Variants in CAMKMT observed in about 807,000 individuals in gnomAD.
CAMKMT encodes calmodulin-lysine N-methyltransferase.
In CAMKMT, 53 loss-of-function variants were observed where a neutral mutation model predicts 48.0. The observed-to-expected ratio is 1.10, with a 90% confidence interval of 0.89 to 1.39. The LOEUF is 1.39. Ranked by LOEUF, CAMKMT falls within the 40% of genes most tolerant of loss-of-function variation. The pLI is 0.00. For missense variants in CAMKMT, 428 were observed against 402.7 expected (o/e 1.06, Z -0.54); for synonymous variants, 165 against 152.3 (o/e 1.08, Z -0.61).
intron 3 of CAMKMT, among the ~76,000 whole-genome samples, chr2:44,600,474 G>T (rs1296055295): frequency 6.6e-6 from 1 of 151,992 alleles, no homozygotes; most frequent in Non-Finnish European, 1.5e-5. Context: ...TTGCCATGTT[G>T]CTAAGGCTGG....
intron 3 of CAMKMT, among the ~76,000 whole-genome samples, chr2:44,638,059 CAAAAAAA>C (rs1004353493): frequency 1.2e-4 from 7 of 58,616 alleles, no homozygotes; most frequent in Middle Eastern, 0.012. Context: ...CATCTCAAAC[CAAAAAAA>C]AAAAAAGAGA....
intron 1 of CAMKMT, among the ~76,000 whole-genome samples, chr2:44,365,028 A>C (rs997650079): frequency 1.3e-5 from 2 of 152,250 alleles, no homozygotes; most frequent in African/African-American, 2.4e-5. Context: ...TTCTATTACA[A>C]TTTAATCGAT....
At chr2:44,367,677 A>G (rs1448677032) in intron 1 of CAMKMT, among the ~76,000 whole-genome samples, 1 of 152,188 alleles carries the variant, frequency 6.6e-6, no homozygotes, top group Non-Finnish European at 1.5e-5. Context: ...CTAGCTGCCT[A>G]TTATCTGGAA....
chr2:44,385,890 A>C (rs748967198), intron 2 of CAMKMT, among the ~76,000 whole-genome samples: 3 of 152,054 alleles, frequency 2.0e-5, no homozygotes, highest in Non-Finnish European at 2.9e-5. Flanking sequence ...ATTTTGTTAA[A>C]GATTTCAACA....
intron 3 of CAMKMT, among the ~76,000 whole-genome samples, chr2:44,703,560 A>G (rs2104265365): frequency 6.6e-6 from 1 of 152,072 alleles, no homozygotes; most frequent in East Asian, 1.9e-4. Context: ...CAGGCAGATC[A>G]CGAGGTCAGG....
At chr2:44,687,416 GTAAA>G (rs1676398637) in intron 3 of CAMKMT, among the ~76,000 whole-genome samples, 1 of 152,172 alleles carries the variant, frequency 6.6e-6, no homozygotes, top group Non-Finnish European at 1.5e-5. Context: ...TAAGGATTCA[GTAAA>G]TATTTGTTTG....
At chr2:44,632,963 C>G (rs959989530) in intron 3 of CAMKMT, among the ~76,000 whole-genome samples, 4 of 152,172 alleles carry the variant, frequency 2.6e-5, no homozygotes, top group African/African-American at 9.6e-5. Flanking sequence ...TGAGTTAATA[C>G]TTAATAAACT....
chr2:44,675,227 T>C (rs895055835), intron 3 of CAMKMT, among the ~76,000 whole-genome samples: 1 of 152,196 alleles, frequency 6.6e-6, no homozygotes, highest in African/African-American at 2.4e-5. Context: ...CTCAACTTGA[T>C]GGCTGATTGC....
At chr2:44,413,284 G>A (rs1413417636) in intron 3 of CAMKMT, among the ~76,000 whole-genome samples, 2 of 151,606 alleles carry the variant, frequency 1.3e-5, no homozygotes, top group African/African-American at 2.4e-5. Flanking sequence ...CAAAATGTAG[G>A]GTCAAATGAA....
chr2:44,437,342 T>C (rs980420099), intron 3 of CAMKMT, among the ~76,000 whole-genome samples: 2 of 152,204 alleles, frequency 1.3e-5, no homozygotes, highest in African/African-American at 4.8e-5. Flanking sequence ...CTAAAGTGAA[T>C]CAGACTTCTG....
chr2:44,634,370 C>T (rs1289100880), intron 3 of CAMKMT, among the ~76,000 whole-genome samples: 1 of 151,858 alleles, frequency 6.6e-6, no homozygotes, highest in African/African-American at 2.4e-5. Flanking sequence ...AGATCGCAGT[C>T]CTTTGCTGCC....
intron 7 of CAMKMT, among the ~76,000 whole-genome samples, chr2:44,726,853 A>G (rs937970181): frequency 2.0e-5 from 3 of 152,218 alleles, no homozygotes; most frequent in African/African-American, 7.2e-5. Flanking sequence ...CAGTTATCTC[A>G]GCACCATTTA....
chr2:44,463,182 C>G (rs1291341532), intron 3 of CAMKMT, among the ~76,000 whole-genome samples: 1 of 152,176 alleles, frequency 6.6e-6, no homozygotes, highest in Non-Finnish European at 1.5e-5. Flanking sequence ...ATTTGCATAA[C>G]ACACCACTTC....
intron 3 of CAMKMT, among the ~76,000 whole-genome samples, chr2:44,433,195 C>G (rs1056094047): frequency 7.9e-5 from 12 of 152,020 alleles, no homozygotes; most frequent in Non-Finnish European, 1.5e-4. Flanking sequence ...ATACAGTGGA[C>G]TTGAAATACA....
intron 9 of CAMKMT, among the ~76,000 whole-genome samples, chr2:44,758,371 T>G (rs1680470613): frequency 6.6e-6 from 1 of 151,948 alleles, no homozygotes. Context: ...GGCCCAGGGG[T>G]GATGTCAGAT....
chr2:44,483,028 A>T (rs2603258), intron 3 of CAMKMT, among the ~76,000 whole-genome samples: 10,750 of 152,180 alleles, frequency 0.071, 484 homozygotes, highest in Admixed American at 0.17. Context: ...GTGCTGTCCA[A>T]TGGAATCAAC....
chr2:44,699,742 C>T (rs1677158315), intron 3 of CAMKMT, among the ~76,000 whole-genome samples: 1 of 152,114 alleles, frequency 6.6e-6, no homozygotes, highest in African/African-American at 2.4e-5. Flanking sequence ...TCCTGAGTAG[C>T]CCGATAGGCA....
At chr2:44,366,149 G>A (rs1282940948) in intron 1 of CAMKMT, among the ~76,000 whole-genome samples, 2 of 152,096 alleles carry the variant, frequency 1.3e-5, no homozygotes, top group African/African-American at 4.8e-5. Context: ...CTCCCTTTCA[G>A]CTCTATGTTA....
intron 3 of CAMKMT, among the ~76,000 whole-genome samples, chr2:44,554,175 A>G (rs569289472): frequency 1.1e-4 from 17 of 152,332 alleles, no homozygotes; most frequent in African/African-American, 3.8e-4. Context: ...TAGACATTCA[A>G]AGACAACTAA....
Sources: allele counts gnomAD v4.1 joint callset (sites outside exome capture counted in the v4.1 genomes callset), GRCh38; gene constraint gnomAD v4.1.1; transcripts MANE v1.5; gene names NCBI Gene and HGNC (gene_info 2026-07-23, HGNC 2026-07-21).